The following GABPA variants were observed in gnomAD, a reference collection of about 807,000 sequenced individuals.
GABPA encodes GA-binding protein alpha chain.
In GABPA, 4 loss-of-function variants were observed where a neutral mutation model predicts 59.4. The observed-to-expected ratio is 0.07, with a 90% CI of 0.03 to 0.15. The LOEUF (loss-of-function observed/expected upper bound fraction) is 0.15, where lower values mean the gene tolerates loss of function less well. GABPA is among the 10% of genes least tolerant of loss of function. The pLI is 1.00. For synonymous variants in GABPA, 164 were observed against 183.1 expected (o/e 0.90, Z 0.84); for missense variants, 251 against 543.8 (o/e 0.46, Z 5.36).
In GABPA at chr21:25,770,870, C is replaced by CTT. The variant is rs1568957617; in HGVS notation, c.*1638_*1639insTT. ...TACTAAAACATGTTCTCAATTCATT[C>CTT]ATATTATTAAGCTCTTCCTGCAGTT... On this transcript the variant is annotated 3_prime_UTR_variant, in exon 10 of 10. Coordinates refer to ENST00000400075, the MANE Select transcript of GABPA (RefSeq NM_002040.4). The CTT allele has an allele frequency of 6.6e-6, 1 of 151,958 alleles. No homozygotes were observed. The highest frequency in any genetic ancestry group is 1.5e-5 in the Non-Finnish European group (1 of 67,892). The allele number at this position is 151,958 out of a possible 1,614,324, so 9.4% of individuals were successfully genotyped here. A position where few individuals can be genotyped will look rare whatever the true frequency, so the allele number is the denominator to read the frequency against.
At chr21:25,751,897 C>T in intron 4 of GABPA, 92 bp from the exon 5 acceptor site, 4 of 1,292,352 alleles carry the variant, frequency 3.1e-6, no homozygotes, top group Non-Finnish European at 4.3e-6. Flanking sequence ...TGTAGTTTTT[C>T]TCTACCATTT....
intron 4 of GABPA, among the ~76,000 whole-genome samples, chr21:25,750,801 A>G (rs1200703237): frequency 6.6e-6 from 1 of 152,208 alleles, no homozygotes; most frequent in South Asian, 2.1e-4. Flanking sequence ...TGATGCAAGT[A>G]TGTTTAAGAA....
chr21:25,762,933 A>G, intron 7 of GABPA: 1 of 335,070 alleles, frequency 3.0e-6, no homozygotes, highest in Non-Finnish European at 5.8e-6. Context: ...CAAGGCTTGA[A>G]GAGTCTACCA....
chr21:25,757,989 A>C (rs936827545), intron 5 of GABPA, 21 bp from the exon 6 acceptor site: 1 of 1,502,424 alleles, frequency 6.7e-7, no homozygotes, highest in African/African-American at 1.4e-5. Flanking sequence ...ACTAGGCTAA[A>C]GTGAATATTT....
At chr21:25,753,666 C>T (rs564662412) in intron 5 of GABPA, among the ~76,000 whole-genome samples, 4 of 151,830 alleles carry the variant, frequency 2.6e-5, no homozygotes, top group Admixed American at 6.6e-5. Flanking sequence ...CTAGAGTTGG[C>T]GAGACAAAAC....
At chr21:25,761,423 C>T (rs1006068962) in intron 6 of GABPA, among the ~76,000 whole-genome samples, 1 of 152,172 alleles carries the variant, frequency 6.6e-6, no homozygotes, top group African/African-American at 2.4e-5. Flanking sequence ...TTCAGACCCT[C>T]AAAGCTCCCA....
chr21:25,745,711 A>G (rs2123506449), intron 3 of GABPA, among the ~76,000 whole-genome samples: 1 of 152,300 alleles, frequency 6.6e-6, no homozygotes, highest in East Asian at 1.9e-4. Flanking sequence ...AACTTCTCAA[A>G]CGTATCATTT....
chr21:25,742,895 T>C lies in GABPA; in HGVS notation c.77+1220T>C, dbSNP rs551323131. ...CATGATTGTGCCATCGTTGTGCCAT[T>C]GCATTCCAGCTTTAGTGACAGGACA... On this transcript the variant is annotated intron_variant, in intron 2 of 9. Coordinates refer to ENST00000400075, the MANE Select transcript of GABPA (RefSeq NM_002040.4). 2.0e-5 allele frequency among the ~76,000 whole-genome samples: 3 copies of C among 151,398 alleles called. No individual in the cohort carries two copies. The East Asian group carries it at 5.8e-4, about 29-fold the overall frequency.
intron 2 of GABPA, among the ~76,000 whole-genome samples, chr21:25,742,229 A>T (rs1390651000): frequency 0.024 from 1 of 42 alleles, no homozygotes; most frequent in Non-Finnish European, 0.071. Flanking sequence ...TAATGAGTTC[A>T]GAATCCAGGA....
At chr21:25,745,827 G>C (rs1042521726) in intron 3 of GABPA, among the ~76,000 whole-genome samples, 1 of 152,016 alleles carries the variant, frequency 6.6e-6, no homozygotes, top group African/African-American at 2.4e-5. Context: ...TATTGTAAAA[G>C]GATTTTACCC....
Position 25,735,359 on chromosome 21 carries a change from C to T in GABPA, c.-246C>T. On this transcript the variant is annotated 5_prime_UTR_variant, in exon 1 of 10. Coordinates refer to ENST00000400075, the MANE Select transcript of GABPA (RefSeq NM_002040.4). ...TTGGGCGGTCGTTTTGCGCACCCTGCCGGGAGTTGTAGTCCTGGACCCGAA... is the reference window on the plus strand; with the variant it reads ...TTGGGCGGTCGTTTTGCGCACCCTGTCGGGAGTTGTAGTCCTGGACCCGAA... 3 of 221,094 alleles carry T rather than the reference C, an allele frequency of 1.4e-5. No homozygotes were observed. Among genetic ancestry groups the T allele is most frequent in the Non-Finnish European group, 2.8e-5 (3 of 108,524 alleles). 13.7% of individuals were successfully genotyped at this position (221,094 alleles called of 1,614,324 possible).
At chr21:25,768,522 T>C (rs776964205) in intron 9 of GABPA, among the ~76,000 whole-genome samples, 17 of 152,090 alleles carry the variant, frequency 1.1e-4, no homozygotes, top group Admixed American at 2.6e-4. Flanking sequence ...CTAAGCACTT[T>C]ACAAAGATTA....
rs2035992582 is a variant in GABPA at position 25,770,703 on chromosome 21, A to G, written c.*1471A>G. ...TTAACTAGGAGAAAAAGGCATGATA[A>G]TACAGGCAAGATGGCATTGTTAGCA... On this transcript the variant is annotated 3_prime_UTR_variant, in exon 10 of 10. Transcript: ENST00000400075. The G allele has an allele frequency of 6.6e-6, 1 of 152,086 alleles. No individual in the cohort carries two copies. The highest frequency in any genetic ancestry group is 2.1e-4 in the South Asian group (1 of 4,832). 9.4% of individuals were successfully genotyped at this position (152,086 alleles called of 1,614,324 possible). A position where few individuals can be genotyped will look rare whatever the true frequency, so the allele number is the denominator to read the frequency against.
chr21:25,740,064 T>C (rs988706932), intron 1 of GABPA, among the ~76,000 whole-genome samples: 10 of 152,150 alleles, frequency 6.6e-5, no homozygotes, highest in Admixed American at 3.3e-4. Context: ...TGTACTGATA[T>C]ACGCAATACA....
chr21:25,771,398 T>G lies in GABPA; in HGVS notation c.*2166T>G, dbSNP rs958364073. On this transcript the variant is annotated 3_prime_UTR_variant, in exon 10 of 10. Coordinates refer to ENST00000400075, the MANE Select transcript of GABPA (RefSeq NM_002040.4). ...TCTCCCTTTAGCAATTTTCATTTTA[T>G]TTCTCATAATTTGAACAGAGACAGT... 6 of 151,934 alleles carry G rather than the reference T, an allele frequency of 3.9e-5. No homozygotes were observed. The highest frequency in any genetic ancestry group is 1.4e-4 in the African/African-American group (6 of 41,450). 9.4% of individuals were successfully genotyped at this position (151,934 alleles called of 1,614,324 possible).
chr21:25,736,397 T>TA (rs1405540524), intron 1 of GABPA, among the ~76,000 whole-genome samples: 3 of 152,136 alleles, frequency 2.0e-5, no homozygotes, highest in African/African-American at 7.2e-5. Context: ...CATTCTTCGG[T>TA]AGTGTTATCT....
chr21:25,751,999 A>G lies in GABPA; in HGVS notation c.318A>G (p.Pro106=). ...VQVISYQGIE[P]KLNILEIVKP... is the part of the protein sequence containing the mutation. ...TTATCCACTGTTCAGGAATTGAACCAAAGTTAAACATCCTTGAAATTGTTA... is the reference window on the plus strand; with the variant it reads ...TTATCCACTGTTCAGGAATTGAACCGAAGTTAAACATCCTTGAAATTGTTA... The change falls in exon 5 of 10, where the codon CCA becomes CCG. Residue 106 remains proline (P), a synonymous_variant. Coordinates refer to ENST00000400075, the MANE Select transcript of GABPA (RefSeq NM_002040.4). 6.2e-7 allele frequency: 1 copy of G among 1,612,326 alleles called. No individual in the cohort carries two copies. The highest frequency in any genetic ancestry group is 1.7e-5 in the Admixed American group (1 of 59,952).
intron 9 of GABPA, 43 bp downstream of exon 9, chr21:25,764,830 C>G: frequency 7.2e-7 from 1 of 1,394,428 alleles, no homozygotes; most frequent in Non-Finnish European, 9.6e-7. Flanking sequence ...AAAATAGAAA[C>G]TTTCTAAAAA....
At chr21:25,763,990 TCTTA>T (rs1374926341) in intron 7 of GABPA, among the ~76,000 whole-genome samples, 1 of 152,172 alleles carries the variant, frequency 6.6e-6, no homozygotes, top group Non-Finnish European at 1.5e-5. Flanking sequence ...GAATACTAGC[TCTTA>T]CTAAGATGCA....
Sources: gnomAD v4.1 joint callset for allele counts (sites outside exome capture counted in the v4.1 genomes callset) on GRCh38, gnomAD v4.1.1 for gene constraint, MANE v1.5 for transcripts, NCBI Gene and HGNC (gene_info 2026-07-23, HGNC 2026-07-21) for gene names.